The following SOBP variants were observed in gnomAD, a reference collection of about 807,000 sequenced individuals.
SOBP encodes sine oculis binding protein homolog.
Under a neutral mutation model 53.6 loss-of-function variants are expected in SOBP, and 4 were observed. The ratio of observed to expected loss-of-function variants is 0.07; its 90% CI spans 0.04 to 0.17. SOBP has a LOEUF of 0.17. Ranked by LOEUF, SOBP falls within the 10% of genes least tolerant of loss-of-function variation. The pLI, the probability that SOBP is intolerant of heterozygous loss-of-function variation, is 1.00. For synonymous variants in SOBP, 584 were observed against 522.6 expected (o/e 1.12, Z -1.60); for missense variants, 1,088 against 1,204.7 (o/e 0.90, Z 1.43).
rs758833503 is a variant in SOBP at position 107,635,154 on chromosome 6, G to A, written c.2310G>A (p.Ser770=). 2 of 1,613,486 alleles carry A rather than the reference G, an allele frequency of 1.2e-6. No individual in the cohort carries two copies. Among genetic ancestry groups the A allele is most frequent in the African/African-American group, 1.3e-5 (1 of 75,000 alleles). ...PEEPAVSELE[S]VKENNCASNC... ...AACCGGCGGTGAGCGAGCTAGAGTC[G>A]GTCAAGGAGAATAACTGTGCTTCCA... The change falls in exon 6 of 7, where the codon TCG becomes TCA. Residue 770 remains serine, a synonymous_variant. Transcript: ENST00000317357. This position sits in a 1 kb window ranked among gnomAD's most constrained non-coding sequence, Gnocchi z 4.5.
Position 107,635,052 on chromosome 6 carries a change from G to A in SOBP, c.2208G>A (p.Lys736=). 4.7e-6 allele frequency: 7 copies of A among 1,488,552 alleles called. No individual in the cohort carries two copies. The highest frequency in any genetic ancestry group is 6.3e-6 in the Non-Finnish European group (7 of 1,118,042). 92.2% of individuals were successfully genotyped at this position (1,488,552 alleles called of 1,614,324 possible). Residue 736 remains lysine (K), a synonymous_variant, in exon 6 of 7, where the codon AAG becomes AAA. Transcript: ENST00000317357. This position sits in a 1 kb window ranked among gnomAD's most constrained non-coding sequence, Gnocchi z 4.5. ...GCGGCGCCGCCGCCGAGGGCGCTAA[G>A]AGCGCGGAGCCGCCTCCCGAGCAGC... ...GTRGAAAEGA[K]SAEPPPEQPP...
At chr6:107,636,447 A>G (rs911457042) in intron 6 of SOBP, 1 of 152,254 alleles carries the variant, frequency 6.6e-6, no homozygotes, top group African/African-American at 2.4e-5. Context: ...CATCATCTGT[A>G]TCTCACCAAG....
intron 4 of SOBP, among the ~76,000 whole-genome samples, chr6:107,541,775 C>T (rs1731347218): frequency 1.3e-5 from 2 of 152,018 alleles, no homozygotes; most frequent in Admixed American, 1.3e-4. Flanking sequence ...TAAGGAGAAT[C>T]TTTGAAGGAT....
At chr6:107,557,622 A>G (rs6929555) in intron 4 of SOBP, among the ~76,000 whole-genome samples, 1 of 152,170 alleles carries the variant, frequency 6.6e-6, no homozygotes, top group African/African-American at 2.4e-5. Flanking sequence ...AGTGCCAGGT[A>G]GTGGATTTGA....
chr6:107,587,565 A>G (rs1785606105), intron 5 of SOBP, among the ~76,000 whole-genome samples: 2 of 152,250 alleles, frequency 1.3e-5, no homozygotes, highest in Non-Finnish European at 2.9e-5. Context: ...CAACATGGTA[A>G]TATTTTGTTC....
chr6:107,511,288 A>T (rs938839560), intron 3 of SOBP: 2 of 152,200 alleles, frequency 1.3e-5, no homozygotes, highest in African/African-American at 4.8e-5. Context: ...CTACTTCCAG[A>T]TACCCCAATG....
At chr6:107,606,394 T>A (rs921545734) in intron 5 of SOBP, among the ~76,000 whole-genome samples, 1 of 152,068 alleles carries the variant, frequency 6.6e-6, no homozygotes, top group Non-Finnish European at 1.5e-5. Flanking sequence ...AGCACTCTTA[T>A]CCACAGCTGA....
intron 4 of SOBP, among the ~76,000 whole-genome samples, chr6:107,535,148 G>A (rs1446018544): frequency 1.3e-5 from 2 of 152,148 alleles, no homozygotes; most frequent in African/African-American, 4.8e-5. Context: ...AGATGGATTT[G>A]TCACAATCCT....
At chr6:107,564,291 A>C (rs1264222073) in intron 4 of SOBP, among the ~76,000 whole-genome samples, 1 of 152,104 alleles carries the variant, frequency 6.6e-6, no homozygotes, top group Non-Finnish European at 1.5e-5. Flanking sequence ...AAAGTATAAA[A>C]CACTCTCCTG....
chr6:107,573,252 G>A lies in SOBP; in HGVS notation c.574-13828G>A, dbSNP rs2115040806. On this transcript the variant is annotated intron_variant, in intron 4 of 6. Transcript: ENST00000317357. ...GTGTCTTCTGATTGGCATTTGCAGT[G>A]GGATGCTGGGCATACCCTTATAGTT... 2.0e-5 allele frequency among the ~76,000 whole-genome samples: 3 copies of A among 152,158 alleles called. No individual in the cohort carries two copies. In the South Asian group the frequency reaches 6.2e-4, roughly 32 times the overall value.
chr6:107,503,311 A>G (rs1373850953), intron 1 of SOBP, among the ~76,000 whole-genome samples: 1 of 152,158 alleles, frequency 6.6e-6, no homozygotes, highest in Non-Finnish European at 1.5e-5. Flanking sequence ...TGTTTTTGTG[A>G]TTCACCTTTC....
chr6:107,518,752 T>TTTG (rs745467052), intron 3 of SOBP, among the ~76,000 whole-genome samples: 5 of 112,332 alleles, frequency 4.5e-5, no homozygotes, highest in Non-Finnish European at 7.1e-5. Context: ...GAAAGGCTGT[T>TTTG]TTTTTTTTTT....
At chr6:107,546,626 T>C (rs925161730) in intron 4 of SOBP, among the ~76,000 whole-genome samples, 1 of 152,168 alleles carries the variant, frequency 6.6e-6, no homozygotes, top group South Asian at 2.1e-4. Flanking sequence ...TCCATTATCA[T>C]AATTTTGAGA....
At chr6:107,616,750 A>G (rs1272947923) in intron 5 of SOBP, among the ~76,000 whole-genome samples, 2 of 152,212 alleles carry the variant, frequency 1.3e-5, no homozygotes, top group Non-Finnish European at 2.9e-5. Context: ...TTGACTGCAG[A>G]AACAGTGGGG....
In SOBP at chr6:107,623,419, G is replaced by A. The variant is rs187924722; in HGVS notation, c.670-10095G>A. Among the ~76,000 whole-genome samples the A allele has an allele frequency of 3.1e-3, 476 of 152,202 alleles. 2 individuals are homozygous for A. Among genetic ancestry groups the A allele is most frequent in the African/African-American group, 0.011 (460 of 41,520 alleles). On this transcript the variant is annotated intron_variant, in intron 5 of 6. Transcript: ENST00000317357. Reference sequence around the variant, plus strand: ...AAAAGAGGATGAAAAGGCAGGGCTCGGCAAATTTTATTTGGTTTCCATTGT... The same window carrying A: ...AAAAGAGGATGAAAAGGCAGGGCTCAGCAAATTTTATTTGGTTTCCATTGT...
chr6:107,614,282 C>T (rs1048564827), intron 5 of SOBP, among the ~76,000 whole-genome samples: 3 of 152,084 alleles, frequency 2.0e-5, no homozygotes, highest in African/African-American at 7.2e-5. Flanking sequence ...ACCTGTGGTC[C>T]CAGCTACTTG....
intron 4 of SOBP, among the ~76,000 whole-genome samples, chr6:107,555,197 GAA>G (rs5878918): frequency 0.055 from 7,499 of 135,712 alleles, 220 homozygotes; most frequent in Admixed American, 0.08. Context: ...GTAAGAGAAT[GAA>G]AAAAAAAAAA....
chr6:107,553,287 G>A lies in SOBP; in HGVS notation c.573+19677G>A, dbSNP rs1240777779. Among the ~76,000 whole-genome samples, 3 of 143,642 alleles carry A rather than the reference G, an allele frequency of 2.1e-5. No individual in the cohort carries two copies. In the South Asian group the frequency reaches 6.8e-4, roughly 32 times the overall value. 94.2% of individuals were successfully genotyped at this position (143,642 alleles called of 152,430 possible). A position where few individuals can be genotyped will look rare whatever the true frequency, so the allele number is the denominator to read the frequency against. On this transcript the variant is annotated intron_variant, in intron 4 of 6. Coordinates refer to ENST00000317357, the MANE Select transcript of SOBP (RefSeq NM_018013.4). ...TGGACTTTCTGAAATCCACTCACGG[G>A]CTTATTATTATTTTATTTATTTATT...
chr6:107,519,723 A>T (rs968539237), intron 3 of SOBP, among the ~76,000 whole-genome samples: 1 of 152,252 alleles, frequency 6.6e-6, no homozygotes, highest in Non-Finnish European at 1.5e-5. Flanking sequence ...GTTTTAATAC[A>T]CTCCAAAGAA....
Sources: allele counts gnomAD v4.1 joint callset (sites outside exome capture counted in the v4.1 genomes callset), GRCh38; gene constraint gnomAD v4.1.1; non-coding constraint Gnocchi (gnomAD v3.1); transcripts MANE v1.5; gene names NCBI Gene and HGNC (gene_info 2026-07-23, HGNC 2026-07-21).